The following ST7 variants were observed in gnomAD, a reference collection of about 807,000 sequenced individuals.
The protein encoded by ST7 is suppressor of tumorigenicity 7 protein.
Under a neutral mutation model 78.7 loss-of-function variants are expected in ST7, and 28 were observed. That is an observed-to-expected ratio of 0.36 (90% confidence interval 0.26 to 0.49). ST7 has a LOEUF of 0.49. Among genes scored for constraint, ST7 ranks in the 20% least tolerant of loss-of-function variants. The pLI, the probability that ST7 is intolerant of heterozygous loss-of-function variation, is 0.99. For synonymous variants in ST7, 247 were observed against 249.6 expected (o/e 0.99, Z 0.10); for missense variants, 418 against 696.0 (o/e 0.60, Z 4.49).
chr7:117,108,799 T>G (rs2116867508), intron 2 of ST7, among the ~76,000 whole-genome samples: 1 of 152,266 alleles, frequency 6.6e-6, no homozygotes, highest in South Asian at 2.1e-4. Context: ...CTTGTAGAGG[T>G]TTTTCACCTC....
intron 12 of ST7, among the ~76,000 whole-genome samples, chr7:117,195,344 A>G (rs1209622633): frequency 1.3e-5 from 2 of 152,126 alleles, no homozygotes; most frequent in Non-Finnish European, 2.9e-5. Flanking sequence ...ATAACTGGAT[A>G]CTTCTGTTTT....
chr7:117,015,800 T>C (rs1795584244), intron 1 of ST7, among the ~76,000 whole-genome samples: 1 of 152,200 alleles, frequency 6.6e-6, no homozygotes, highest in African/African-American at 2.4e-5. Context: ...TTTTGGGGAA[T>C]GGCGACATTG....
intron 5 of ST7, 118 bp from the exon 6 acceptor site, chr7:117,131,767 G>A (rs1804376518): frequency 8.8e-6 from 8 of 906,570 alleles, no homozygotes; most frequent in Non-Finnish European, 1.7e-6. Context: ...AACCCTCTTA[G>A]CAATGAAATA....
chr7:117,001,062 A>G (rs528170495), intron 1 of ST7, among the ~76,000 whole-genome samples: 6 of 152,352 alleles, frequency 3.9e-5, no homozygotes, highest in East Asian at 3.9e-4. Context: ...GTTGGATAAC[A>G]CTGAAAAAGC....
chr7:117,177,804 A>G (rs994589665), intron 10 of ST7, among the ~76,000 whole-genome samples: 1 of 152,132 alleles, frequency 6.6e-6, no homozygotes, highest in Admixed American at 6.6e-5. Flanking sequence ...GTGGGGCAAA[A>G]AGACCTCATA....
chr7:117,202,437 C>T (rs1810962264), intron 12 of ST7, among the ~76,000 whole-genome samples: 1 of 152,128 alleles, frequency 6.6e-6, no homozygotes, highest in African/African-American at 2.4e-5. Context: ...TTTTTGTTAC[C>T]TTCCCCTGCT....
intron 9 of ST7, among the ~76,000 whole-genome samples, chr7:117,156,055 C>T (rs924265366): frequency 6.6e-6 from 1 of 152,218 alleles, no homozygotes; most frequent in African/African-American, 2.4e-5. Flanking sequence ...TCTGCCTGTG[C>T]TGTACCAACA....
At chr7:117,036,679 G>A (rs1796912662) in intron 1 of ST7, among the ~76,000 whole-genome samples, 1 of 152,034 alleles carries the variant, frequency 6.6e-6, no homozygotes, top group African/African-American at 2.4e-5. Context: ...CTTTCACTGG[G>A]GTAGCCATAT....
intron 12 of ST7, among the ~76,000 whole-genome samples, chr7:117,197,051 C>T (rs1810385342): frequency 6.6e-6 from 1 of 151,978 alleles, no homozygotes; most frequent in Non-Finnish European, 1.5e-5. Flanking sequence ...ACCCGCTGAC[C>T]CAAGGCAGGG....
Position 117,113,339 on chromosome 7 carries a change from C to G in ST7, c.235-6222C>G, listed in dbSNP as rs565959508. Among the ~76,000 whole-genome samples the G allele has an allele frequency of 3.3e-5, 5 of 152,194 alleles. No individual in the cohort carries two copies. In the East Asian group the frequency reaches 9.7e-4, roughly 29 times the overall value. The stretch of plus-strand genomic sequence containing the variant: ...GTTTGCCTGGGAAGGTGGATAGCAG[C>G]AGGGTGTAGCGGTTGATATTTTCAT... On this transcript the variant is annotated intron_variant, in intron 2 of 15. Transcript: ENST00000323984.
At chr7:117,227,444 A>G (rs536018803) in intron 15 of ST7, among the ~76,000 whole-genome samples, 3 of 152,324 alleles carry the variant, frequency 2.0e-5, no homozygotes, top group African/African-American at 7.2e-5. Context: ...TATCGAGACC[A>G]CTGTAACACT....
intron 12 of ST7, among the ~76,000 whole-genome samples, chr7:117,207,647 TTAAGAAGATTTCTG>T (rs778232839): frequency 5.9e-5 from 9 of 152,182 alleles, no homozygotes; most frequent in Non-Finnish European, 1.2e-4. Context: ...GTCAGGGGCT[TTAAGAAGATTTCTG>T]TATACCTGGG....
chr7:116,958,186 T>TG (rs1554417854), intron 1 of ST7, among the ~76,000 whole-genome samples: 3 of 148,434 alleles, frequency 2.0e-5, no homozygotes, highest in South Asian at 2.2e-4. Context: ...TTTTTTTTTT[T>TG]GTAGAGACAG....
chr7:117,056,094 C>G (rs780390633), intron 1 of ST7, among the ~76,000 whole-genome samples: 3 of 151,996 alleles, frequency 2.0e-5, no homozygotes, highest in Non-Finnish European at 2.9e-5. Flanking sequence ...TAGATTGTAC[C>G]CACCAGATTA....
At chr7:117,082,108 C>G (rs554281949) in intron 1 of ST7, among the ~76,000 whole-genome samples, 1 of 152,266 alleles carries the variant, frequency 6.6e-6, no homozygotes, top group African/African-American at 2.4e-5. Flanking sequence ...CAGGCCCACC[C>G]AGATTATCTA....
chr7:116,953,838 C>A, intron 1 of ST7, 147 bp downstream of exon 1: 1 of 422,998 alleles, frequency 2.4e-6, no homozygotes, highest in Non-Finnish European at 3.1e-6. Context: ...GCCAGCAACG[C>A]GGCGGCTTAG....
intron 1 of ST7, among the ~76,000 whole-genome samples, chr7:116,977,896 A>C (rs560770875): frequency 2.1e-3 from 321 of 152,346 alleles, no homozygotes; most frequent in African/African-American, 7.2e-3. Flanking sequence ...ACCTGAAAAA[A>C]CAATAAAAAT....
rs143545935 is a variant in ST7 at position 117,195,817 on chromosome 7, C to A, written c.1254+4881C>A. ...AGATTTGGGTGGGAACACAGCCAAA[C>A]CATATCATTAACTATATGCACATCA... On this transcript the variant is annotated intron_variant, in intron 12 of 15. Transcript: ENST00000323984. Among the ~76,000 whole-genome samples the A allele has an allele frequency of 3.0e-4, 45 of 152,260 alleles. 1 individual carries two copies. The East Asian group carries it at 6.6e-3, about 22-fold the overall frequency.
intron 15 of ST7, among the ~76,000 whole-genome samples, chr7:117,226,739 C>T (rs1167989201): frequency 1.3e-5 from 2 of 152,076 alleles, no homozygotes; most frequent in Non-Finnish European, 2.9e-5. Context: ...GGGAAGGTGG[C>T]TTAGTAATGA....
Sources: allele counts gnomAD v4.1 joint callset (sites outside exome capture counted in the v4.1 genomes callset), GRCh38; gene constraint gnomAD v4.1.1; transcripts MANE v1.5; gene names NCBI Gene and HGNC (gene_info 2026-07-23, HGNC 2026-07-21).